Variants in TMEM135 observed in about 807,000 individuals in gnomAD.
TMEM135 encodes the protein peroxisomal membrane protein 52.
TMEM135 carries 30 observed loss-of-function variants against 60.3 expected under a neutral mutation model. The ratio of observed to expected loss-of-function variants is 0.50; its 90% CI spans 0.37 to 0.68. TMEM135 has a LOEUF of 0.68. TMEM135 is among the 30% of genes least tolerant of loss of function. The pLI is 0.00. For synonymous variants in TMEM135, 190 were observed against 186.7 expected (o/e 1.02, Z -0.14); for missense variants, 468 against 548.8 (o/e 0.85, Z 1.47).
chr11:87,216,196 G>A (rs113971188), intron 5 of TMEM135, among the ~76,000 whole-genome samples: 68 of 152,248 alleles, frequency 4.5e-4, no homozygotes, highest in African/African-American at 1.3e-3. Context: ...GATCCCCTGC[G>A]GATAAGGGGG....
At chr11:87,135,768 G>A (rs561877070) in intron 4 of TMEM135, among the ~76,000 whole-genome samples, 2 of 151,864 alleles carry the variant, frequency 1.3e-5, no homozygotes, top group African/African-American at 4.8e-5. Context: ...TTCAATTTTT[G>A]TATAAAAAGC....
At chr11:87,082,429 A>C (rs1857011309) in intron 3 of TMEM135, among the ~76,000 whole-genome samples, 1 of 152,190 alleles carries the variant, frequency 6.6e-6, no homozygotes, top group Non-Finnish European at 1.5e-5. Flanking sequence ...ATCTAGTGCC[A>C]AAAATCAAGC....
chr11:87,278,616 T>C (rs1436205781), intron 6 of TMEM135, among the ~76,000 whole-genome samples: 1 of 152,142 alleles, frequency 6.6e-6, no homozygotes, highest in African/African-American at 2.4e-5. Flanking sequence ...TCAAGTGATC[T>C]GCCCGATTCG....
chr11:87,315,912 T>G (rs1942720343), intron 12 of TMEM135, among the ~76,000 whole-genome samples: 1 of 151,984 alleles, frequency 6.6e-6, no homozygotes, highest in Non-Finnish European at 1.5e-5. Context: ...TTAAGTTGAC[T>G]CCTCCTTGTT....
chr11:87,071,585 A>G lies in TMEM135; in HGVS notation c.332A>G (p.Tyr111Cys). Residue 111 changes from tyrosine to cysteine, a missense_variant, in exon 3 of 15, where the codon TAT (tyrosine) becomes TGT (cysteine). Tyr to Cys is a radical substitution (Grantham distance 194). Coordinates refer to ENST00000305494, the MANE Select transcript of TMEM135 (RefSeq NM_022918.4). Reference protein sequence around the residue: ...PGFGAALPASYVAILIERKSR... With the variant: ...PGFGAALPASCVAILIERKSR... ...TTTGGTGCCGCTCTGCCAGCATCTT[A>G]TGTGGCCATTCTCATTGAAAGAAAA... 6.2e-7 allele frequency: 1 copy of G among 1,613,772 alleles called. No homozygotes were observed. Among genetic ancestry groups the G allele is most frequent in the Non-Finnish European group, 8.5e-7 (1 of 1,179,872 alleles).
intron 3 of TMEM135, among the ~76,000 whole-genome samples, chr11:87,081,249 T>C (rs1432088858): frequency 2.0e-5 from 3 of 152,236 alleles, no homozygotes; most frequent in Middle Eastern, 3.4e-3. Context: ...TTATTATTTG[T>C]TTTCTGCTTT....
chr11:87,087,008 A>G (rs1429777883), intron 3 of TMEM135, among the ~76,000 whole-genome samples: 2 of 152,074 alleles, frequency 1.3e-5, no homozygotes, highest in Non-Finnish European at 2.9e-5. Context: ...TTTTGGGAAA[A>G]TGGCAGTCAT....
intron 5 of TMEM135, among the ~76,000 whole-genome samples, chr11:87,162,145 T>G (rs1938897264): frequency 1.3e-5 from 2 of 152,108 alleles, no homozygotes; most frequent in South Asian, 4.1e-4. Flanking sequence ...AAATGACTAA[T>G]TAAAGTGGGG....
At chr11:87,065,949 A>G (rs1293244492) in intron 1 of TMEM135, among the ~76,000 whole-genome samples, 8 of 152,134 alleles carry the variant, frequency 5.3e-5, no homozygotes, top group Non-Finnish European at 1.2e-4. Flanking sequence ...CTATTTCCCT[A>G]CGGAGATTTT....
chr11:87,094,892 CA>C (rs1447999162), intron 4 of TMEM135: 10 of 156,018 alleles, frequency 6.4e-5, no homozygotes, highest in African/African-American at 2.4e-4. Context: ...TTAGTGATGA[CA>C]TTTTTTTCAG....
At chr11:87,179,719 C>G (rs940148513) in intron 5 of TMEM135, among the ~76,000 whole-genome samples, 1 of 152,098 alleles carries the variant, frequency 6.6e-6, no homozygotes, top group Non-Finnish European at 1.5e-5. Flanking sequence ...TGTTAAAAAA[C>G]AGTTGACCAT....
chr11:87,314,637 C>A, intron 12 of TMEM135, 90 bp downstream of exon 12: 5 of 1,031,792 alleles, frequency 4.8e-6, no homozygotes, highest in Non-Finnish European at 7.5e-6. Flanking sequence ...ATCCCAATGG[C>A]AAACATAAAT....
chr11:87,068,684 G>C (rs1007846547), intron 2 of TMEM135, among the ~76,000 whole-genome samples: 2 of 151,706 alleles, frequency 1.3e-5, no homozygotes, highest in South Asian at 2.1e-4. Flanking sequence ...GGTGGTGGGC[G>C]CCTGTAGTCG....
intron 1 of TMEM135, among the ~76,000 whole-genome samples, chr11:87,043,455 G>C (rs538100667): frequency 6.6e-6 from 1 of 151,982 alleles, no homozygotes; most frequent in Non-Finnish European, 1.5e-5. Flanking sequence ...GCTGGGTGCG[G>C]TGTCTGACGC....
intron 4 of TMEM135, among the ~76,000 whole-genome samples, chr11:87,156,400 G>A (rs1481207115): frequency 6.6e-6 from 1 of 152,116 alleles, no homozygotes; most frequent in Non-Finnish European, 1.5e-5. Context: ...TGCAACATGT[G>A]CCATTGGGAT....
intron 5 of TMEM135, among the ~76,000 whole-genome samples, chr11:87,181,449 A>G (rs1228078536): frequency 6.6e-6 from 1 of 152,196 alleles, no homozygotes; most frequent in Non-Finnish European, 1.5e-5. Flanking sequence ...TTGGTGAAAG[A>G]CACATTTACA....
chr11:87,146,358 A>G (rs186940464), intron 4 of TMEM135, among the ~76,000 whole-genome samples: 5 of 152,240 alleles, frequency 3.3e-5, no homozygotes, highest in Non-Finnish European at 7.3e-5. Context: ...AGTCTCAAAA[A>G]CAAAAATTGG....
chr11:87,292,648 T>C (rs1239180218), intron 6 of TMEM135, among the ~76,000 whole-genome samples: 1 of 152,208 alleles, frequency 6.6e-6, no homozygotes, highest in Non-Finnish European at 1.5e-5. Context: ...ATTACTATTT[T>C]AAAGATTCTT....
chr11:87,127,206 C>T (rs549363724), intron 4 of TMEM135, among the ~76,000 whole-genome samples: 3 of 152,280 alleles, frequency 2.0e-5, no homozygotes, highest in Non-Finnish European at 4.4e-5. Flanking sequence ...ACTTTGGTGT[C>T]TGAGGATAAT....
Sources: gnomAD v4.1 joint callset for allele counts (sites outside exome capture counted in the v4.1 genomes callset) on GRCh38, gnomAD v4.1.1 for gene constraint, MANE v1.5 for transcripts, NCBI Gene and HGNC (gene_info 2026-07-23, HGNC 2026-07-21) for gene names.